Variants in BBOF1 observed in about 807,000 individuals in gnomAD.
BBOF1 encodes the protein basal body-orientation factor 1.
BBOF1 carries 62 observed loss-of-function variants against 68.0 expected under a neutral mutation model. The observed-to-expected ratio is 0.91, with a 90% CI of 0.74 to 1.13. BBOF1 has a LOEUF of 1.13. Ranked by LOEUF, BBOF1 falls within the 50% of genes most tolerant of loss-of-function variation. The probability of loss-of-function intolerance (pLI) is 0.00; values close to 1 mark genes in which losing one functional copy is unlikely to be tolerated. For missense variants in BBOF1, 534 were observed against 600.1 expected (o/e 0.89, Z 1.15); for synonymous variants, 208 against 198.8 (o/e 1.05, Z -0.39).
At position 74,072,539 on chromosome 14, in the gene BBOF1, G is replaced by A. The variant is rs796065046; in HGVS notation, n.1380-5657G>A. The stretch of plus-strand genomic sequence containing the variant: ...AGTCCCAAAGCAGCTTCGCTTACTG[G>A]GTTGTGGATATCGATCCATTTGTCA... On this transcript the variant is annotated intron_variant and non_coding_transcript_variant, in intron 9 of 12. Transcript: ENST00000492026. 6.2e-7 allele frequency: 1 copy of A among 1,614,078 alleles called. No homozygotes were observed. Among genetic ancestry groups the A allele is most frequent in the South Asian group, 1.1e-5 (1 of 91,082 alleles).
intron 9 of BBOF1, among the ~76,000 whole-genome samples, chr14:74,074,179 G>A (rs1486087304): frequency 6.6e-6 from 1 of 151,584 alleles, no homozygotes. Flanking sequence ...GTTTCACCAT[G>A]TCTCCCAGGC....
rs1434193741 is a variant in BBOF1 at position 74,057,251 on chromosome 14, C to G, written c.1571C>G (p.Ser524Cys). ...LPTIPKEPQESDTGTF is the reference protein window; with the variant it reads ...LPTIPKEPQECDTGTF ...ACTATTCCAAAAGAACCTCAGGAGT[C>G]TGACACAGTAAGGAGTCTGTATCTA... Residue 524 changes from serine (S) to cysteine (C), a missense_variant, in exon 11 of 12, where the codon TCT (serine) becomes TGT (cysteine). Transcript: ENST00000394009. The G allele has an allele frequency of 2.5e-6, 4 of 1,614,096 alleles. No homozygotes were observed. The highest frequency in any genetic ancestry group is 2.5e-6 in the Non-Finnish European group (3 of 1,179,966).
At chr14:74,042,924 G>A (rs866070228) in intron 5 of BBOF1, among the ~76,000 whole-genome samples, 16 of 151,274 alleles carry the variant, frequency 1.1e-4, no homozygotes, top group African/African-American at 3.9e-4. Context: ...CTGGGAAAGT[G>A]AATGTTTGTT....
At chr14:74,057,524 G>T (rs1045756692) in intron 11 of BBOF1, 6 of 1,361,284 alleles carry the variant, frequency 4.4e-6, no homozygotes, top group South Asian at 1.5e-5. Flanking sequence ...TAGCCAAAAT[G>T]TGTACTATCT....
intron 11 of BBOF1, among the ~76,000 whole-genome samples, chr14:74,061,499 T>C (rs114970737): frequency 0.012 from 1,886 of 152,058 alleles, 37 homozygotes; most frequent in African/African-American, 0.042. Context: ...AGGGCTAATT[T>C]CAGATTAGCC....
At chr14:74,029,973 T>G (rs1214757921) in intron 3 of BBOF1, among the ~76,000 whole-genome samples, 2 of 152,170 alleles carry the variant, frequency 1.3e-5, no homozygotes, top group Non-Finnish European at 2.9e-5. Context: ...ATTACCTAGT[T>G]GCGTAAACCC....
intron 11 of BBOF1, chr14:74,059,971 AT>A: frequency 6.5e-6 from 1 of 154,162 alleles, no homozygotes; most frequent in Middle Eastern, 3.4e-3. Flanking sequence ...AAAATGGATT[AT>A]ATCTTGTGTA....
At chr14:74,080,800 C>T (rs1175179770) in intron 10 of BBOF1, among the ~76,000 whole-genome samples, 1 of 152,158 alleles carries the variant, frequency 6.6e-6, no homozygotes, top group Non-Finnish European at 1.5e-5. Flanking sequence ...CTTTCTGAAA[C>T]ATAAATCTGG....
chr14:74,038,813 AG>A (rs2059766890), intron 4 of BBOF1, among the ~76,000 whole-genome samples: 1 of 152,100 alleles, frequency 6.6e-6, no homozygotes, highest in Non-Finnish European at 1.5e-5. Flanking sequence ...AGACCAGCCT[AG>A]GCAACGTGGC....
At chr14:74,036,683 CAAAAAAAAAA>C (rs35152747) in intron 4 of BBOF1, among the ~76,000 whole-genome samples, 2 of 108,482 alleles carry the variant, frequency 1.8e-5, no homozygotes, top group Admixed American at 1.0e-4. Context: ...GACTCTGTCT[CAAAAAAAAAA>C]AAAAAAAAGC....
At chr14:74,061,365 G>A (rs1201748030) in intron 11 of BBOF1, among the ~76,000 whole-genome samples, 1 of 151,800 alleles carries the variant, frequency 6.6e-6, no homozygotes, top group Non-Finnish European at 1.5e-5. Context: ...GCAGTGGTGT[G>A]ATCTTGGCTC....
At chr14:74,026,140 CAAA>C (rs372178821) in intron 2 of BBOF1, among the ~76,000 whole-genome samples, 2 of 114,376 alleles carry the variant, frequency 1.7e-5, no homozygotes, top group Non-Finnish European at 3.7e-5. Flanking sequence ...GACTCTGTCT[CAAA>C]AAAAAAAAAA....
In BBOF1 at chr14:74,019,353, T is replaced by C; in HGVS notation, c.-126T>C. 1 of 1,294,416 alleles carries C rather than the reference T, an allele frequency of 7.7e-7. No individual in the cohort carries two copies. The allele number at this position is 1,294,416 out of a possible 1,614,324, so 80.2% of individuals were successfully genotyped here. The stretch of plus-strand genomic sequence containing the variant: ...GGCTACGTCACGGGCGCGTGCGCTC[T>C]CCGCGCGCCGTCAGCGGCGCGGGTG... On this transcript the variant is annotated 5_prime_UTR_variant, in exon 1 of 12. Transcript: ENST00000394009.
At position 74,050,031 on chromosome 14, in the gene BBOF1, C is replaced by A; in HGVS notation, c.1122C>A (p.Ile374=). ...LDALHQVKQQ[I]LISRKHYKQI... is the part of the protein sequence containing the mutation. ...CTCTGCACCAAGTGAAGCAACAGAT[C>A]CTAATTAGCAGGAAGCATTATAAGC... is the stretch of plus-strand genomic sequence containing the variant. Residue 374 remains isoleucine, a synonymous_variant, in exon 8 of 12, where the codon ATC becomes ATA. Coordinates refer to ENST00000394009, the MANE Select transcript of BBOF1 (RefSeq NM_025057.3). 1 of 1,614,052 alleles carries A rather than the reference C, an allele frequency of 6.2e-7. No individual in the cohort carries two copies.
At chr14:74,046,195 C>A in intron 6 of BBOF1, 65 bp downstream of exon 6, 2 of 1,398,268 alleles carry the variant, frequency 1.4e-6, no homozygotes, top group South Asian at 1.3e-5. Context: ...GGTCTCTTTT[C>A]TTCTTACTTT....
intron 11 of BBOF1, among the ~76,000 whole-genome samples, chr14:74,064,401 C>T (rs936741500): frequency 1.2e-4 from 18 of 151,802 alleles, no homozygotes; most frequent in African/African-American, 2.9e-4. Context: ...AGAAAAAATA[C>T]GTGCAATGGG....
At chr14:74,034,712 T>C (rs1010896255) in intron 4 of BBOF1, among the ~76,000 whole-genome samples, 3 of 152,308 alleles carry the variant, frequency 2.0e-5, no homozygotes, top group South Asian at 4.1e-4. Flanking sequence ...CAGGAACAAG[T>C]AGCTGAAATC....
chr14:74,071,231 CA>C (rs1053300473), intron 9 of BBOF1: 2 of 1,614,064 alleles, frequency 1.2e-6, no homozygotes, highest in African/African-American at 1.3e-5. Flanking sequence ...AATGTTCCAT[CA>C]GGGGCACCAG....
chr14:74,065,531 A>G lies in BBOF1; in HGVS notation c.*832A>G, dbSNP rs2060447872. 6.1e-6 allele frequency: 4 copies of G among 652,960 alleles called. No homozygotes were observed. The highest frequency in any genetic ancestry group is 1.1e-5 in the Non-Finnish European group (4 of 379,440). The allele number at this position is 652,960 out of a possible 1,614,324, so 40.4% of individuals were successfully genotyped here. A position where few individuals can be genotyped will look rare whatever the true frequency, so the allele number is the denominator to read the frequency against. On this transcript the variant is annotated 3_prime_UTR_variant, in exon 12 of 12. Transcript: ENST00000394009. ...AAAAAAAAAGTCCTCTCTCAAGTGT[A>G]TTCCGTCTTCCAAGTTACCAATCAT...
Sources: allele counts gnomAD v4.1 joint callset (sites outside exome capture counted in the v4.1 genomes callset), GRCh38; gene constraint gnomAD v4.1.1; transcripts MANE v1.5; gene names NCBI Gene and HGNC (gene_info 2026-07-23, HGNC 2026-07-21).